POLN: variants seen among roughly 807,000 people sequenced by gnomAD.
POLN encodes DNA polymerase N.
POLN carries 108 observed loss-of-function variants against 113.5 expected under a neutral mutation model. The ratio of observed to expected loss-of-function variants is 0.95; its 90% CI spans 0.81 to 1.12. The LOEUF is 1.12. Ranked by LOEUF, POLN falls within the 50% of genes most tolerant of loss-of-function variation. POLN has a pLI of 0.00. For synonymous variants in POLN, 386 were observed against 391.5 expected, an observed-to-expected ratio of 0.99 and a Z score of 0.17; for missense variants, 1,097 against 1,077.1, an observed-to-expected ratio of 1.02 and a Z score of -0.26.
intron 16 of POLN, among the ~76,000 whole-genome samples, chr4:2,155,369 C>G (rs1732397999): frequency 6.6e-6 from 1 of 152,230 alleles, no homozygotes; most frequent in East Asian, 1.9e-4. Context: ...CCAGAGACAG[C>G]TGGCAGCCCG....
intron 16 of POLN, among the ~76,000 whole-genome samples, chr4:2,153,279 A>G (rs114326539): frequency 4.0e-4 from 61 of 152,362 alleles, no homozygotes; most frequent in African/African-American, 1.3e-3. Flanking sequence ...AGATTGCATA[A>G]TAAGTCAGAA....
chr4:2,148,031 G>C (rs942535315), intron 16 of POLN, among the ~76,000 whole-genome samples: 1 of 152,122 alleles, frequency 6.6e-6, no homozygotes, highest in Non-Finnish European at 1.5e-5. Context: ...ACACAGAAAA[G>C]GCTCCCATTC....
intron 9 of POLN, 105 bp downstream of exon 9, chr4:2,176,161 A>G (rs1732989812): frequency 2.3e-6 from 2 of 874,290 alleles, no homozygotes; most frequent in South Asian, 3.0e-5. Context: ...TTAGAACTCA[A>G]CGTTTCGTTT....
At chr4:2,145,674 G>A (rs1732120100) in intron 16 of POLN, among the ~76,000 whole-genome samples, 1 of 152,170 alleles carries the variant, frequency 6.6e-6, no homozygotes, top group Admixed American at 6.5e-5. Flanking sequence ...GTAGGGCGAT[G>A]AGGTCTCTAT....
intron 16 of POLN, chr4:2,139,825 C>T (rs934308044): frequency 6.6e-6 from 1 of 152,098 alleles, no homozygotes; most frequent in African/African-American, 2.4e-5. Flanking sequence ...TTCAGAATAG[C>T]ACTTATATCA....
At chr4:2,174,839 T>C (rs1410228372) in intron 9 of POLN, 88 bp from the exon 10 acceptor site, 1 of 931,662 alleles carries the variant, frequency 1.1e-6, no homozygotes, top group South Asian at 1.5e-5. Flanking sequence ...TTTTTTTTTT[T>C]TGAGACAGAG....
At chr4:2,187,218 A>T (rs1425236603) in intron 7 of POLN, among the ~76,000 whole-genome samples, 4 of 150,862 alleles carry the variant, frequency 2.7e-5, no homozygotes, top group Non-Finnish European at 5.9e-5. Flanking sequence ...ATAACAGAAA[A>T]CTTCCCAAAT....
intron 9 of POLN, 105 bp from the exon 10 acceptor site, chr4:2,174,856 T>C: frequency 1.3e-6 from 1 of 799,524 alleles, no homozygotes; most frequent in Non-Finnish European, 2.0e-6. Context: ...AGAGTCTTGC[T>C]CTGCTGCCCA....
chr4:2,175,974 T>C (rs1732985075), intron 9 of POLN, among the ~76,000 whole-genome samples: 1 of 152,188 alleles, frequency 6.6e-6, no homozygotes, highest in Non-Finnish European at 1.5e-5. Context: ...CATCCCACTA[T>C]TAATCAAAAT....
At chr4:2,218,537 T>C (rs1395757156) in intron 3 of POLN, among the ~76,000 whole-genome samples, 1 of 152,156 alleles carries the variant, frequency 6.6e-6, no homozygotes, top group African/African-American at 2.4e-5. Flanking sequence ...ATGGTTGTGG[T>C]GGGCCCCAGA....
chr4:2,184,875 T>C lies in POLN; in HGVS notation c.1022-5410A>G, dbSNP rs1337199656. Among the ~76,000 whole-genome samples, 7 of 152,344 alleles carry C rather than the reference T, an allele frequency of 4.6e-5. No homozygotes were observed. In the East Asian group the frequency reaches 1.3e-3, roughly 29 times the overall value. ...AAATATATTTAAATCCATATGCTCA[T>C]AATGATACTAAAATGAAAAAGGCTT... On this transcript the variant is annotated intron_variant, in intron 7 of 25. Coordinates refer to ENST00000511885, the MANE Select transcript of POLN (RefSeq NM_181808.4).
At chr4:2,165,683 T>C (rs1477783394) in intron 13 of POLN, among the ~76,000 whole-genome samples, 1 of 152,162 alleles carries the variant, frequency 6.6e-6, no homozygotes, top group East Asian at 1.9e-4. Context: ...AGGGGGAGCC[T>C]GTACATGTGT....
At chr4:2,088,935 TAGCAGCAACG>T (rs1730607183) in intron 20 of POLN, 1 of 1,068,090 alleles carries the variant, frequency 9.4e-7, no homozygotes, top group Non-Finnish European at 1.4e-6. Flanking sequence ...GCTGAAGGTC[TAGCAGCAACG>T]GCCTTGGTCC....
At chr4:2,124,442 A>T (rs970110188) in intron 19 of POLN, among the ~76,000 whole-genome samples, 2 of 151,726 alleles carry the variant, frequency 1.3e-5, no homozygotes, top group Admixed American at 1.3e-4. Context: ...CGGCTAATTT[A>T]AAAAAAAATT....
In POLN at chr4:2,241,737, G is replaced by C; in HGVS notation, c.-230C>G. ...CCCAAGGCCGCGATACACCAGACGC[G>C]CCAGCGGCAAAACCTTCCTTCGGAG... On this transcript the variant is annotated 5_prime_UTR_variant, in exon 2 of 26. Transcript: ENST00000511885. 1.0e-6 allele frequency: 1 copy of C among 985,496 alleles called. No homozygotes were observed. Among genetic ancestry groups the C allele is most frequent in the Non-Finnish European group, 1.2e-6 (1 of 829,950 alleles). The allele number at this position is 985,496 out of a possible 1,614,324, so 61.0% of individuals were successfully genotyped here.
intron 3 of POLN, 115 bp from the exon 4 acceptor site, chr4:2,213,241 T>TA (rs1734035692): frequency 1.8e-6 from 1 of 553,978 alleles, no homozygotes; most frequent in Non-Finnish European, 3.0e-6. Flanking sequence ...TATTCATTAT[T>TA]AACTTACTTA....
At chr4:2,233,704 A>G (rs1014428116) in intron 2 of POLN, among the ~76,000 whole-genome samples, 1 of 152,226 alleles carries the variant, frequency 6.6e-6, no homozygotes, top group Non-Finnish European at 1.5e-5. Context: ...ATAAAAATCT[A>G]TGTCTACCTA....
At chr4:2,101,246 A>G (rs953761084) in intron 19 of POLN, among the ~76,000 whole-genome samples, 18 of 152,224 alleles carry the variant, frequency 1.2e-4, no homozygotes, top group Non-Finnish European at 2.1e-4. Context: ...AACAATACAA[A>G]CCATACTAAG....
At chr4:2,241,464 C>G in intron 2 of POLN, 56 bp downstream of exon 2, 1 of 981,558 alleles carries the variant, frequency 1.0e-6, no homozygotes, top group South Asian at 4.7e-5. Flanking sequence ...GCCCTCCGTA[C>G]GTAAGAAGAC....
Sources: allele counts gnomAD v4.1 joint callset (sites outside exome capture counted in the v4.1 genomes callset), GRCh38; gene constraint gnomAD v4.1.1; transcripts MANE v1.5; gene names NCBI Gene and HGNC (gene_info 2026-07-23, HGNC 2026-07-21).